The following IRF9 variants were observed in gnomAD, a reference collection of about 807,000 sequenced individuals.
IRF9 encodes the protein interferon regulatory factor 9.
In IRF9, 13 loss-of-function variants were observed where a neutral mutation model predicts 44.1. The ratio of observed to expected loss-of-function variants is 0.29; its 90% CI spans 0.19 to 0.47. The LOEUF is 0.47. IRF9 is among the 20% of genes least tolerant of loss of function. The pLI, the probability that IRF9 is intolerant of heterozygous loss-of-function variation, is 1.00. For synonymous variants in IRF9, 189 were observed against 188.5 expected, an observed-to-expected ratio of 1.00 and a Z score of -0.02; for missense variants, 373 against 496.1, an observed-to-expected ratio of 0.75 and a Z score of 2.36.
chr14:24,165,786 C>T (rs2038514289), intron 7 of IRF9, 61 bp from the exon 8 acceptor site: 2 of 1,196,064 alleles, frequency 1.7e-6, no homozygotes, highest in South Asian at 1.3e-5. Flanking sequence ...ACTATTGCCT[C>T]CCTGCCTGTG....
chr14:24,162,071 A>G, intron 1 of IRF9, 73 bp from the exon 2 acceptor site: 3 of 1,437,126 alleles, frequency 2.1e-6, no homozygotes, highest in Non-Finnish European at 2.9e-6. Flanking sequence ...TCTAGTCTCA[A>G]TGGCCAGGGT....
chr14:24,163,738 C>T (rs1030043796), intron 4 of IRF9, 140 bp from the exon 5 acceptor site: 15 of 961,496 alleles, frequency 1.6e-5, no homozygotes, highest in South Asian at 6.8e-5. Context: ...CTCAGGAGGC[C>T]GAGGCAGGAG....
chr14:24,166,058 C>CT, intron 8 of IRF9, 64 bp from the exon 9 acceptor site: 2 of 1,587,040 alleles, frequency 1.3e-6, no homozygotes, highest in East Asian at 4.5e-5. Context: ...GAAGGAGCTC[C>CT]TGGGGGTGGT....
In IRF9 at chr14:24,164,163, G is replaced by A; in HGVS notation, c.649+29G>A. The A allele has an allele frequency of 1.9e-6, 3 of 1,596,050 alleles. No homozygotes were observed. The African/African-American group carries it at 4.0e-5, about 21-fold the overall frequency. On this transcript the variant is annotated intron_variant, in intron 6 of 8. Transcript: ENST00000396864. The surrounding 1 kb of genome is among the most constrained non-coding windows in gnomAD (Gnocchi z 5.2). The stretch of plus-strand genomic sequence containing the variant: ...CGTGGCATTTCTGACTTTCTCCTGT[G>A]CCCTGTGCCCCTGAGGTCTTCCACC...
chr14:24,166,259 C>G lies in IRF9; in HGVS notation c.*63C>G. On this transcript the variant is annotated 3_prime_UTR_variant, in exon 9 of 9. Transcript: ENST00000396864. The stretch of plus-strand genomic sequence containing the variant: ...CTTCCTGTCTCCTTTGAAGTAGACT[C>G]ATTCTTCACACGATTGACCTGTCCT... 7.5e-7 allele frequency: 1 copy of G among 1,337,318 alleles called. No homozygotes were observed. Among genetic ancestry groups the G allele is most frequent in the East Asian group, 2.3e-5 (1 of 43,058 alleles). The allele number at this position is 1,337,318 out of a possible 1,614,324, so 82.8% of individuals were successfully genotyped here.
At position 24,164,941 on chromosome 14, in the gene IRF9, C is replaced by T. The variant is rs2139106015; in HGVS notation, c.977C>T (p.Ala326Val). The change falls in exon 7 of 9, where the codon GCC becomes GTC. Residue 326 changes from alanine (A) to valine (V), a missense_variant. By Grantham distance (64) the Ala-to-Val change is moderately conservative (BLOSUM62 0). Around this residue, in one of 2 missense-constraint regions of IRF9, gnomAD observed 146 missense variants for 240.8 expected, o/e 0.61. Transcript: ENST00000396864. The surrounding 1 kb of genome is among the most constrained non-coding windows in gnomAD (Gnocchi z 5.2). The stretch of plus-strand genomic sequence containing the variant: ...GAGTGCGTGGAGCTCTTCAGAACCG[C>T]CTACTTCTGCAGAGGTGAGGCTGTT... The part of the protein sequence containing the change: ...SNECVELFRT[A>V]YFCRDLVRYF... 6.2e-7 allele frequency: 1 copy of T among 1,611,646 alleles called. No homozygotes were observed. The highest frequency in any genetic ancestry group is 8.5e-7 in the Non-Finnish European group (1 of 1,178,788).
Position 24,163,934 on chromosome 14 carries a change from C to T in IRF9, c.552C>T (p.Ser184=), listed in dbSNP as rs1000222186. The T allele has an allele frequency of 6.2e-7, 1 of 1,606,010 alleles. No individual in the cohort carries two copies. The highest frequency in any genetic ancestry group is 1.8e-5 in the Admixed American group (1 of 56,800). Reference sequence around the variant, plus strand: ...ATTCAGACATTGGGAGCAGCAGCAGCAGCAGCAGCCCTGAGCCACAGGAAG... The same window carrying T: ...ATTCAGACATTGGGAGCAGCAGCAGTAGCAGCAGCCCTGAGCCACAGGAAG... ...AVHSDIGSSS[S]SSSPEPQEVT... is the part of the protein sequence containing the mutation. The change falls in exon 5 of 9, where the codon AGC becomes AGT. Residue 184 remains serine, a synonymous_variant. Coordinates refer to ENST00000396864, the MANE Select transcript of IRF9 (RefSeq NM_006084.5).
rs759549489 is a variant in IRF9 at position 24,163,089 on chromosome 14, C to A, written c.304C>A (p.Arg102Ser). ...ATTTAAGGAGGTTCCTGAGAGGGGC[C>A]GCATGGATGTTGCTGAGCCCTACAA... The part of the protein sequence containing the change: ...SEFKEVPERG[R>S]MDVAEPYKVY... Residue 102 changes from arginine (R) to serine (S), a missense_variant, in exon 3 of 9, where the codon CGC becomes AGC. By Grantham distance (110) the Arg-to-Ser change is moderately radical (BLOSUM62 -1). Around this residue, in one of 2 missense-constraint regions of IRF9, gnomAD observed 227 missense variants for 255.3 expected, o/e 0.89. Transcript: ENST00000396864. The A allele has an allele frequency of 6.2e-7, 1 of 1,614,056 alleles. No homozygotes were observed. The highest frequency in any genetic ancestry group is 8.5e-7 in the Non-Finnish European group (1 of 1,180,044).
intron 1 of IRF9, among the ~76,000 whole-genome samples, 190 bp from the exon 2 acceptor site, chr14:24,161,954 G>T (rs2038462254): frequency 6.6e-6 from 1 of 152,114 alleles, no homozygotes; most frequent in Non-Finnish European, 1.5e-5. Flanking sequence ...GTTGTTGTTT[G>T]TCACTGCTAG....
Position 24,166,208 on chromosome 14 carries a change from C to T in IRF9, c.*12C>T, listed in dbSNP as rs770215057. The T allele has an allele frequency of 6.2e-7, 1 of 1,612,140 alleles. No homozygotes were observed. Among genetic ancestry groups the T allele is most frequent in the Non-Finnish European group, 8.5e-7 (1 of 1,178,812 alleles). ...TGTCCCTGGTGTAGAGCCTGGGGGA[C>T]CCATCTTCCACCTCACCTCTTTGTT... On this transcript the variant is annotated 3_prime_UTR_variant, in exon 9 of 9. Transcript: ENST00000396864.
At position 24,164,184 on chromosome 14, in the gene IRF9, C is replaced by G; in HGVS notation, c.649+50C>G. 1 of 1,464,378 alleles carries G rather than the reference C, an allele frequency of 6.8e-7. No homozygotes were observed. The highest frequency in any genetic ancestry group is 1.1e-5 in the South Asian group (1 of 88,062). 90.7% of individuals were successfully genotyped at this position (1,464,378 alleles called of 1,614,324 possible). On this transcript the variant is annotated intron_variant, in intron 6 of 8. Transcript: ENST00000396864. This position sits in a 1 kb window ranked among gnomAD's most constrained non-coding sequence, Gnocchi z 5.2. ...CTGTGCCCTGTGCCCCTGAGGTCTT[C>G]CACCTTTGACTATGCATGCATTATC...
At chr14:24,165,152 C>G (rs1030634528) in intron 7 of IRF9, 197 bp downstream of exon 7, 2 of 710,044 alleles carry the variant, frequency 2.8e-6, no homozygotes, top group Non-Finnish European at 5.1e-6. Flanking sequence ...GGCAGCTCTC[C>G]TCCAGCCAAG....
intron 4 of IRF9, 99 bp downstream of exon 4, chr14:24,163,607 C>T (rs1178640933): frequency 2.8e-6 from 4 of 1,407,852 alleles, no homozygotes; most frequent in Non-Finnish European, 3.9e-6. Flanking sequence ...GAGGCCGAGG[C>T]TGGCAGATCA....
Position 24,163,143 on chromosome 14 carries a change from G to A in IRF9, c.358G>A (p.Val120Ile), listed in dbSNP as rs377127138. ...GTATCAGTTGCTGCCACCAGGAATCGTCTCTGGTGAGTTTCCCCTTGTCCA... is the reference window on the plus strand; with the variant it reads ...GTATCAGTTGCTGCCACCAGGAATCATCTCTGGTGAGTTTCCCCTTGTCCA... The part of the protein sequence containing the change: ...KVYQLLPPGI[V>I]SGQPGTQKVP... The change falls in exon 3 of 9, where the codon GTC becomes ATC. Residue 120 changes from valine (V) to isoleucine (I), a missense_variant. Physicochemically the swap from Val to Ile is conservative, Grantham distance 29. This residue lies in a region of IRF9 where 227 missense variants were observed against 255.3 expected (regional missense o/e 0.89). Transcript: ENST00000396864. The A allele has an allele frequency of 4.5e-5, 72 of 1,613,720 alleles. No homozygotes were observed. Among genetic ancestry groups the A allele is most frequent in the Admixed American group, 5.0e-5 (3 of 60,016 alleles).
chr14:24,163,191 T>C, intron 3 of IRF9, 42 bp downstream of exon 3: 1 of 1,603,810 alleles, frequency 6.2e-7, no homozygotes, highest in Non-Finnish European at 8.5e-7. Context: ...CTCAGCAGAC[T>C]GGGGAGGAAG....
rs148996083 is a variant in IRF9, at chr14:24,164,652, G to A, written c.688G>A (p.Val230Met). 31 of 1,612,290 alleles carry A rather than the reference G, an allele frequency of 1.9e-5. No individual in the cohort carries two copies. Among genetic ancestry groups the A allele is most frequent in the African/African-American group, 5.3e-5 (4 of 75,018 alleles). The change falls in exon 7 of 9, where the codon GTG (valine) becomes ATG (methionine). Residue 230 changes from valine (V) to methionine (M), a missense_variant. Val to Met is a conservative substitution (Grantham distance 21). This residue lies in a region of IRF9 where 146 missense variants were observed against 240.8 expected (regional missense o/e 0.61). Coordinates refer to ENST00000396864, the MANE Select transcript of IRF9 (RefSeq NM_006084.5). This position sits in a 1 kb window ranked among gnomAD's most constrained non-coding sequence, Gnocchi z 5.2. ...GCTCACCTTCATCTACAACGGGCGC[G>A]TGGTGGGCGAGGCCCAGGTGCAAAG... Reference protein sequence around the residue: ...LLLTFIYNGRVVGEAQVQSLD... With the variant: ...LLLTFIYNGRMVGEAQVQSLD...
intron 7 of IRF9, chr14:24,165,622 T>A (rs1784679478): frequency 1.8e-6 from 1 of 571,306 alleles, no homozygotes; most frequent in Admixed American, 3.2e-5. Flanking sequence ...TGTCGGGCTG[T>A]GCTGTGATCT....
Position 24,164,390 on chromosome 14 carries a change from A to C in IRF9, c.650-224A>C. ...ACATTGATTTCATTGGGCCAAACAG[A>C]GGCCCAATCTCAAGGGACCTTCTAG... On this transcript the variant is annotated intron_variant, in intron 6 of 8. Transcript: ENST00000396864. This position sits in a 1 kb window ranked among gnomAD's most constrained non-coding sequence, Gnocchi z 5.2. The C allele has an allele frequency of 1.7e-6, 1 of 600,752 alleles. No homozygotes were observed. Among genetic ancestry groups the C allele is most frequent in the East Asian group, 2.8e-5 (1 of 35,548 alleles). 37.2% of individuals were successfully genotyped at this position (600,752 alleles called of 1,614,324 possible).
chr14:24,165,985 G>A (rs2038517014), intron 8 of IRF9, 23 bp downstream of exon 8: 6 of 1,602,284 alleles, frequency 3.7e-6, no homozygotes, highest in Non-Finnish European at 5.1e-6. Context: ...CAGGGGTAGA[G>A]TACCCATCTA....
Sources: gnomAD v4.1 joint callset for allele counts (sites outside exome capture counted in the v4.1 genomes callset) on GRCh38, gnomAD v4.1.1 for gene constraint, gnomAD v4.1.1 regional missense constraint, Gnocchi (gnomAD v3.1) non-coding constraint, MANE v1.5 for transcripts, NCBI Gene and HGNC (gene_info 2026-07-23, HGNC 2026-07-21) for gene names.